Variants in KRABD4 observed in about 807,000 individuals in gnomAD.
KRABD4 encodes KRAB domain containing 4.
At chrX:46,450,705 C>CT in the KRABD4 span, among the ~76,000 whole-genome samples, 3,890 of 88,362 alleles carry the variant, frequency 0.044, 215 homozygotes, top group East Asian at 0.16. Context: ...TTTTCTTTCT[C>CT]TTTTTTTTTT....
At chrX:46,466,522 T>A in the KRABD4 span, among the ~76,000 whole-genome samples, 1 of 112,247 alleles carries the variant, frequency 8.9e-6, no homozygotes, top group Non-Finnish European at 1.9e-5. Context: ...CAGAGATCAG[T>A]ACCCTTAACA....
the KRABD4 span, among the ~76,000 whole-genome samples, chrX:46,453,639 G>A: frequency 1.8e-5 from 2 of 111,094 alleles, no homozygotes; most frequent in Non-Finnish European, 3.8e-5. Flanking sequence ...TTCAGAACCT[G>A]GATCTTTGTT....
chrX:46,458,913 AAATT>A, the KRABD4 span, among the ~76,000 whole-genome samples: 2 of 111,859 alleles, frequency 1.8e-5, no homozygotes, highest in African/African-American at 6.5e-5. Context: ...ATAGTTAAAT[AAATT>A]GCCACATCCA....
the KRABD4 span, among the ~76,000 whole-genome samples, chrX:46,469,033 A>G: frequency 8.9e-6 from 1 of 112,415 alleles, no homozygotes. Context: ...AAAATCTGAA[A>G]TCCAAAACAC....
the KRABD4 span, among the ~76,000 whole-genome samples, chrX:46,459,291 G>A: frequency 9.9e-6 from 1 of 100,540 alleles, no homozygotes; most frequent in Non-Finnish European, 2.0e-5. Context: ...TCCAGCCTGG[G>A]CAACAGAGCG....
At chrX:46,455,398 A>G in the KRABD4 span, 3 of 461,858 alleles carry the variant, frequency 6.5e-6, no homozygotes, top group Non-Finnish European at 1.2e-5. Flanking sequence ...TTTGTCGGCA[A>G]TGTGTAGAGT....
At chrX:46,456,050 T>G in the KRABD4 span, 1 of 357,340 alleles carries the variant, frequency 2.8e-6, no homozygotes, top group African/African-American at 2.7e-5. Flanking sequence ...TGAAATCTAC[T>G]CTTCACTAAG....
the KRABD4 span, among the ~76,000 whole-genome samples, chrX:46,463,846 C>T: frequency 3.6e-5 from 4 of 109,776 alleles, no homozygotes; most frequent in South Asian, 1.6e-3. Flanking sequence ...TTGCCAGTGA[C>T]CTTTACCCAG....
chrX:46,472,995 T>G, the KRABD4 span: 1 of 1,209,537 alleles, frequency 8.3e-7, no homozygotes, highest in East Asian at 3.0e-5. Flanking sequence ...ATGGAAGCTA[T>G]GTAAGAAAGA....
the KRABD4 span, among the ~76,000 whole-genome samples, chrX:46,461,497 C>T: frequency 8.9e-6 from 1 of 111,753 alleles, no homozygotes; most frequent in African/African-American, 3.3e-5. Context: ...TCCTGCCCCT[C>T]TCCTGCACAG....
the KRABD4 span, chrX:46,454,905 T>C: frequency 6.6e-6 from 1 of 150,561 alleles, no homozygotes; most frequent in Non-Finnish European, 1.3e-5. Context: ...GTTAGTGTAT[T>C]TTATGTGTGG....
chrX:46,467,219 G>C, the KRABD4 span, among the ~76,000 whole-genome samples: 1 of 111,797 alleles, frequency 8.9e-6, no homozygotes, highest in East Asian at 2.8e-4. Flanking sequence ...AATATCTGGA[G>C]TGAGATTGCT....
chrX:46,458,297 G>GA, the KRABD4 span, among the ~76,000 whole-genome samples: 1 of 112,043 alleles, frequency 8.9e-6, no homozygotes, highest in African/African-American at 3.2e-5. Flanking sequence ...CAAGTATGTA[G>GA]AAAAAACACC....
the KRABD4 span, chrX:46,472,631 C>CA: frequency 1.2e-6 from 1 of 823,811 alleles, no homozygotes; most frequent in African/African-American, 2.0e-5. Context: ...GGTCCATCCA[C>CA]ATCAGCTCAA....
At chrX:46,456,595 A>G in the KRABD4 span, 1 of 281,753 alleles carries the variant, frequency 3.5e-6, no homozygotes, top group Admixed American at 3.8e-5. Flanking sequence ...CTTATGACCA[A>G]ATAAACAAAT....
At chrX:46,454,779 AC>A in the KRABD4 span, among the ~76,000 whole-genome samples, 1 of 112,328 alleles carries the variant, frequency 8.9e-6, no homozygotes, top group Middle Eastern at 4.6e-3. Flanking sequence ...AGCCTGGGTG[AC>A]AGAGCGAGAT....
chrX:46,461,822 G>T, the KRABD4 span, among the ~76,000 whole-genome samples: 2 of 111,464 alleles, frequency 1.8e-5, no homozygotes, highest in African/African-American at 6.6e-5. Flanking sequence ...CCCTGTGAAG[G>T]CTGCTCTGTC....
the KRABD4 span, among the ~76,000 whole-genome samples, chrX:46,467,806 G>A: frequency 8.9e-6 from 1 of 111,996 alleles, no homozygotes; most frequent in Non-Finnish European, 1.9e-5. Context: ...AACTGTGAGA[G>A]TTCTTTATAT....
chrX:46,468,961 C>T, the KRABD4 span, among the ~76,000 whole-genome samples: 3 of 112,155 alleles, frequency 2.7e-5, no homozygotes, highest in South Asian at 3.7e-4. Context: ...TTTCCAATTT[C>T]ATGTTTTCAG....
Sources: gnomAD v4.1 joint callset for allele counts (sites outside exome capture counted in the v4.1 genomes callset) on GRCh38, gnomAD v4.1.1 for gene constraint, MANE v1.5 for transcripts, NCBI Gene and HGNC (gene_info 2026-07-23, HGNC 2026-07-21) for gene names.